The following SARDH variants were observed in gnomAD, a reference collection of about 807,000 sequenced individuals.
SARDH encodes sarcosine dehydrogenase.
Under a neutral mutation model 109.1 loss-of-function variants are expected in SARDH, and 95 were observed. The ratio of observed to expected loss-of-function variants is 0.87; its 90% CI spans 0.74 to 1.03. SARDH has a LOEUF of 1.03. Ranked by LOEUF, SARDH falls within the 50% of genes least tolerant of loss-of-function variation. The probability of loss-of-function intolerance (pLI) is 0.00; values close to 1 mark genes in which losing one functional copy is unlikely to be tolerated. For synonymous variants in SARDH, 572 were observed against 534.8 expected, an observed-to-expected ratio of 1.07 and a Z score of -0.96; for missense variants, 1,267 against 1,287.8, an observed-to-expected ratio of 0.98 and a Z score of 0.25.
chr9:133,704,093 G>A lies in SARDH; in HGVS notation c.1554+855C>T, dbSNP rs1028515402. 9.2e-5 allele frequency among the ~76,000 whole-genome samples: 14 copies of A among 152,136 alleles called. No individual in the cohort carries two copies. The highest frequency in any genetic ancestry group is 2.9e-4 in the African/African-American group (12 of 41,426). ...CCCCTCCTCCCCGCAGGGTTCATGA[G>A]GACGGCATGTCCCTAGGGGCCAGCA... On this transcript the variant is annotated intron_variant, in intron 12 of 20. Transcript: ENST00000439388. This position sits in a 1 kb window ranked among gnomAD's most constrained non-coding sequence, Gnocchi z 4.5.
In SARDH at chr9:133,732,350, C is replaced by A. The variant is rs1286466114; in HGVS notation, c.510+73G>T. On this transcript the variant is annotated intron_variant, in intron 3 of 20. Coordinates refer to ENST00000439388, the MANE Select transcript of SARDH (RefSeq NM_001134707.2). Reference sequence around the variant, plus strand: ...TACCCCCCCACAGGGGGTGCACCCACCAATATGACCCCCCAGGGAGTGCAC... The same window carrying A: ...TACCCCCCCACAGGGGGTGCACCCAACAATATGACCCCCCAGGGAGTGCAC... 2.6e-6 allele frequency: 3 copies of A among 1,156,388 alleles called. No individual in the cohort carries two copies. In the East Asian group the frequency reaches 1.2e-4, roughly 46 times the overall value. 71.6% of individuals were successfully genotyped at this position (1,156,388 alleles called of 1,614,324 possible).
chr9:133,718,768 C>T lies in SARDH; in HGVS notation c.1020+170G>A, dbSNP rs138653742. On this transcript the variant is annotated intron_variant, in intron 7 of 20. Transcript: ENST00000439388. The surrounding 1 kb of genome is among the most constrained non-coding windows in gnomAD (Gnocchi z 4.2). ...TCTGTATTTGACTGCCTGCCAGGAC[C>T]GTCAGGGTAAGAGCAAGATGGCTTT... The T allele has an allele frequency of 3.1e-3, 2,432 of 783,282 alleles. 37 individuals carry two copies. The African/African-American group carries it at 0.033, about 11-fold the overall frequency. 48.5% of individuals were successfully genotyped at this position (783,282 alleles called of 1,614,324 possible). A position where few individuals can be genotyped will look rare whatever the true frequency, so the allele number is the denominator to read the frequency against.
rs1378820430 is a variant in SARDH, at chr9:133,704,233, G to A, written c.1554+715C>T. On this transcript the variant is annotated intron_variant, in intron 12 of 20. Coordinates refer to ENST00000439388, the MANE Select transcript of SARDH (RefSeq NM_001134707.2). This position sits in a 1 kb window ranked among gnomAD's most constrained non-coding sequence, Gnocchi z 4.5. ...GGAGCTCTGGAGCCTGGCCTGGGCTGTGGGTTGCCATGGGGATGGAAGGTG... is the reference window on the plus strand; with the variant it reads ...GGAGCTCTGGAGCCTGGCCTGGGCTATGGGTTGCCATGGGGATGGAAGGTG... Among the ~76,000 whole-genome samples the A allele has an allele frequency of 6.6e-6, 1 of 152,156 alleles. No individual in the cohort carries two copies. Among genetic ancestry groups the A allele is most frequent in the Non-Finnish European group, 1.5e-5 (1 of 68,022 alleles).
intron 17 of SARDH, among the ~76,000 whole-genome samples, chr9:133,678,303 GA>G (rs903508604): frequency 4.6e-5 from 7 of 152,186 alleles, no homozygotes; most frequent in African/African-American, 1.7e-4. Context: ...CACCTGGCAT[GA>G]GGACTCGGGA....
intron 20 of SARDH, among the ~76,000 whole-genome samples, chr9:133,665,026 C>A (rs928254920): frequency 6.6e-6 from 1 of 152,196 alleles, no homozygotes; most frequent in Admixed American, 6.5e-5. Flanking sequence ...TCCGTTACCC[C>A]ACTTGGGTGC....
chr9:133,732,553 G>A lies in SARDH; in HGVS notation c.380C>T (p.Ala127Val), dbSNP rs369633609. 9 of 1,613,370 alleles carry A rather than the reference G, an allele frequency of 5.6e-6. No individual in the cohort carries two copies. Among genetic ancestry groups the A allele is most frequent in the African/African-American group, 1.3e-5 (1 of 74,902 alleles). ...CCGGCTCACCACCCGCCGAGTGTGG[G>A]CCAGAAGCTCCACCTCCACGTCACT... Reference protein sequence around the residue: ...RPSDVEVELLAHTRRVVSREL... With the variant: ...RPSDVEVELLVHTRRVVSREL... Residue 127 changes from alanine (A) to valine (V), a missense_variant, in exon 3 of 21, where the codon GCC becomes GTC. Physicochemically the swap from Ala to Val is moderately conservative, Grantham distance 64. Coordinates refer to ENST00000439388, the MANE Select transcript of SARDH (RefSeq NM_001134707.2).
intron 20 of SARDH, among the ~76,000 whole-genome samples, chr9:133,665,414 C>A: frequency 6.6e-6 from 1 of 152,226 alleles, no homozygotes; most frequent in Non-Finnish European, 1.5e-5. Flanking sequence ...TCAGGAGGCC[C>A]TGCCCACCGT....
At chr9:133,660,203 G>GAGTTGCCACTTGCCCC (rs1401012289), downstream of SARDH, among the ~76,000 whole-genome samples, 1 of 152,080 alleles carries the variant, frequency 6.6e-6, no homozygotes, top group Admixed American at 6.5e-5. Context: ...TGGTTGCTGA[G>GAGTTGCCACTTGCCCC]AGTTGCCACT....
intron 1 of SARDH, among the ~76,000 whole-genome samples, chr9:133,734,661 G>T (rs1026653371): frequency 6.6e-6 from 1 of 152,204 alleles, no homozygotes; most frequent in Non-Finnish European, 1.5e-5. Flanking sequence ...GGCTGGCAGA[G>T]ATCCAAAGTG....
chr9:133,682,100 A>C (rs1830717599), intron 17 of SARDH, among the ~76,000 whole-genome samples: 1 of 152,088 alleles, frequency 6.6e-6, no homozygotes, highest in Non-Finnish European at 1.5e-5. Context: ...GCCCAGCTCT[A>C]CCCTCTCTCA....
intron 4 of SARDH, among the ~76,000 whole-genome samples, chr9:133,730,753 G>A (rs1211979757): frequency 6.6e-6 from 1 of 152,046 alleles, no homozygotes; most frequent in Non-Finnish European, 1.5e-5. Flanking sequence ...CGAGGCCGGT[G>A]GATCACGAGG....
chr9:133,666,616 TG>T lies in SARDH; in HGVS notation c.2631+118del. The T allele has an allele frequency of 7.5e-7, 1 of 1,337,536 alleles. No individual in the cohort carries two copies. The highest frequency in any genetic ancestry group is 1.0e-6 in the Non-Finnish European group (1 of 981,254). 82.9% of individuals were successfully genotyped at this position (1,337,536 alleles called of 1,614,324 possible). The stretch of plus-strand genomic sequence containing the variant: ...TCCTTTCTCTTCCCTCCTCCTCTTC[TG>T]GACCACACCCGTGCCTCCTCCCTAT... On this transcript the variant is annotated intron_variant, in intron 20 of 20. Coordinates refer to ENST00000439388, the MANE Select transcript of SARDH (RefSeq NM_001134707.2). The surrounding 1 kb of genome is among the most constrained non-coding windows in gnomAD (Gnocchi z 5.2).
At chr9:133,688,981 G>A (rs145046472) in intron 16 of SARDH, among the ~76,000 whole-genome samples, 131 of 152,176 alleles carry the variant, frequency 8.6e-4, no homozygotes, top group Non-Finnish European at 8.7e-4. Flanking sequence ...GCAACAGCTC[G>A]GTCCCTTGCA....
intron 6 of SARDH, among the ~76,000 whole-genome samples, chr9:133,720,873 T>C (rs1832301283): frequency 6.6e-6 from 1 of 152,164 alleles, no homozygotes; most frequent in Admixed American, 6.5e-5. Context: ...GAAAGGAATC[T>C]AAGATGAAGA....
intron 16 of SARDH, among the ~76,000 whole-genome samples, chr9:133,688,291 C>T (rs1280366784): frequency 6.6e-6 from 1 of 152,212 alleles, no homozygotes; most frequent in Non-Finnish European, 1.5e-5. Flanking sequence ...CGGCCAGCAC[C>T]CTCCACTCTT....
At chr9:133,665,202 G>A (rs889708568) in intron 20 of SARDH, among the ~76,000 whole-genome samples, 5 of 151,742 alleles carry the variant, frequency 3.3e-5, no homozygotes, top group Middle Eastern at 3.2e-3. Flanking sequence ...TCTGGATGCC[G>A]TTTAACCTCG....
chr9:133,668,244 A>C (rs1830142595), intron 19 of SARDH, among the ~76,000 whole-genome samples: 2 of 150,392 alleles, frequency 1.3e-5, no homozygotes, highest in Non-Finnish European at 3.0e-5. Flanking sequence ...GGGAGAAGCC[A>C]CAGGATGACG....
intron 18 of SARDH, 146 bp downstream of exon 18, chr9:133,671,389 T>G: frequency 9.3e-7 from 1 of 1,081,080 alleles, no homozygotes; most frequent in Non-Finnish European, 1.3e-6. Flanking sequence ...CGCTGGGGTG[T>G]AGGGGAGGAA....
At chr9:133,677,352 G>C (rs1830551585) in intron 17 of SARDH, among the ~76,000 whole-genome samples, 1 of 152,282 alleles carries the variant, frequency 6.6e-6, no homozygotes, top group South Asian at 2.1e-4. Context: ...CACGATTCTT[G>C]TTGAAAGAAT....
Sources: gnomAD v4.1 joint callset for allele counts (sites outside exome capture counted in the v4.1 genomes callset) on GRCh38, gnomAD v4.1.1 for gene constraint, Gnocchi (gnomAD v3.1) non-coding constraint, MANE v1.5 for transcripts, NCBI Gene and HGNC (gene_info 2026-07-23, HGNC 2026-07-21) for gene names.